Variants in SGTA observed in about 807,000 individuals in gnomAD.
SGTA encodes the protein small glutamine rich tetratricopeptide repeat co-chaperone alpha.
SGTA carries 22 observed loss-of-function variants against 44.3 expected under a neutral mutation model. The observed-to-expected ratio is 0.50, with a 90% CI of 0.36 to 0.71. The LOEUF is 0.71. SGTA is among the 30% of genes least tolerant of loss of function. The probability of loss-of-function intolerance (pLI) is 0.00; values close to 1 mark genes in which losing one functional copy is unlikely to be tolerated. For missense variants in SGTA, 341 were observed against 435.9 expected, an observed-to-expected ratio of 0.78 and a Z score of 1.94; for synonymous variants, 174 against 177.6, an observed-to-expected ratio of 0.98 and a Z score of 0.16.
chr19:2,758,442 G>A (rs1004438769), intron 9 of SGTA, among the ~76,000 whole-genome samples: 2 of 151,992 alleles, frequency 1.3e-5, no homozygotes, highest in Non-Finnish European at 2.9e-5. Context: ...ACTTGATCCC[G>A]GGAGGCAGAG....
chr19:2,756,185 G>T (rs8101456), intron 11 of SGTA, among the ~76,000 whole-genome samples: 46,941 of 151,706 alleles, frequency 0.31, 8,017 homozygotes, highest in East Asian at 0.63. Context: ...TGAGGTTACG[G>T]TGGTAAAAAA....
chr19:2,780,378 C>A (rs373849156), intron 1 of SGTA, among the ~76,000 whole-genome samples: 4 of 152,188 alleles, frequency 2.6e-5, no homozygotes, highest in African/African-American at 9.6e-5. Flanking sequence ...CCACTCCCCA[C>A]ATCGAAGCCT....
chr19:2,757,663 C>T lies in SGTA; in HGVS notation c.827+30G>A, dbSNP rs371632573. On this transcript the variant is annotated intron_variant, in intron 10 of 11. Transcript: ENST00000221566. The stretch of plus-strand genomic sequence containing the variant: ...GCGAGCCCTGCCCGCCGCCCACGTC[C>T]TCCGTCCTCTTGGAAGCAGTTCCAC... 54 of 1,519,668 alleles carry T rather than the reference C, an allele frequency of 3.6e-5. No homozygotes were observed. The South Asian group carries it at 5.4e-4, about 15-fold the overall frequency. 94.1% of individuals were successfully genotyped at this position (1,519,668 alleles called of 1,614,324 possible).
intron 1 of SGTA, among the ~76,000 whole-genome samples, chr19:2,773,402 A>G (rs369405757): frequency 0.16 from 325 of 2,034 alleles, 49 homozygotes; most frequent in East Asian, 0.22. Flanking sequence ...GCCACACGGC[A>G]GGGACTCCGA....
chr19:2,760,235 T>C (rs1029270262), intron 8 of SGTA, among the ~76,000 whole-genome samples: 1 of 151,978 alleles, frequency 6.6e-6, no homozygotes, highest in East Asian at 2.0e-4. Flanking sequence ...TAAAACTTTA[T>C]TGGTCAGGTG....
At chr19:2,780,666 C>A (rs1258993730) in intron 1 of SGTA, among the ~76,000 whole-genome samples, 1 of 152,216 alleles carries the variant, frequency 6.6e-6, no homozygotes, top group Non-Finnish European at 1.5e-5. Context: ...CCTTTGAACG[C>A]CAGCATCTGG....
At position 2,761,221 on chromosome 19, in the gene SGTA, T is replaced by C. The variant is rs771642942; in HGVS notation, c.699+239A>G. ...ATGGGTCTTGCTTGGGACATCAACA[T>C]TGGGGACACTTTTGATTGTCGAAGC... On this transcript the variant is annotated intron_variant, in intron 8 of 11. Transcript: ENST00000221566. The surrounding 1 kb of genome is among the most constrained non-coding windows in gnomAD (Gnocchi z 5.7). Among the ~76,000 whole-genome samples, 15 of 152,068 alleles carry C rather than the reference T, an allele frequency of 9.9e-5. No individual in the cohort carries two copies. The highest frequency in any genetic ancestry group is 3.1e-4 in the African/African-American group (13 of 41,412).
chr19:2,758,039 C>A (rs923291448), intron 9 of SGTA, among the ~76,000 whole-genome samples: 4 of 152,196 alleles, frequency 2.6e-5, no homozygotes, highest in Non-Finnish European at 5.9e-5. Flanking sequence ...CCCCAGAGGA[C>A]CCCTGCAATG....
rs1478519544 is a variant in SGTA at position 2,761,920 on chromosome 19, T to C, written c.637-398A>G. ...GCGACCGCCCGGGGACGGCACAGTC[T>C]ATCATCCCGTGTTGATTTCCTGTAT... On this transcript the variant is annotated intron_variant, in intron 7 of 11. Coordinates refer to ENST00000221566, the MANE Select transcript of SGTA (RefSeq NM_003021.4). This position sits in a 1 kb window ranked among gnomAD's most constrained non-coding sequence, Gnocchi z 5.7. Among the ~76,000 whole-genome samples the C allele has an allele frequency of 1.3e-5, 2 of 149,186 alleles. No homozygotes were observed. The highest frequency in any genetic ancestry group is 2.0e-4 in the East Asian group (1 of 5,036).
At chr19:2,756,644 A>C (rs111466787) in intron 11 of SGTA, among the ~76,000 whole-genome samples, 4 of 151,892 alleles carry the variant, frequency 2.6e-5, no homozygotes, top group Non-Finnish European at 5.9e-5. Flanking sequence ...TCCCGCCCCC[A>C]GGGAGCCGGC....
At chr19:2,772,306 A>G (rs1249547467) in intron 1 of SGTA, among the ~76,000 whole-genome samples, 2 of 152,240 alleles carry the variant, frequency 1.3e-5, no homozygotes, top group African/African-American at 4.8e-5. Context: ...CTGCCTCTGG[A>G]TAATTTCTTA....
At chr19:2,756,246 TA>T (rs914349070) in intron 11 of SGTA, among the ~76,000 whole-genome samples, 59 of 147,508 alleles carry the variant, frequency 4.0e-4, no homozygotes, top group South Asian at 8.6e-4. Context: ...AAAGCTTATT[TA>T]AAAAAAAAAG....
chr19:2,765,878 T>G lies in SGTA; in HGVS notation c.293-593A>C, dbSNP rs1207692976. On this transcript the variant is annotated intron_variant, in intron 4 of 11. Transcript: ENST00000221566. This position sits in a 1 kb window ranked among gnomAD's most constrained non-coding sequence, Gnocchi z 5.5. ...AGATGGGTATCAGCGTGTGTTTCCCTAAACAGTTTTATTGAGATATAATTT... is the reference window on the plus strand; with the variant it reads ...AGATGGGTATCAGCGTGTGTTTCCCGAAACAGTTTTATTGAGATATAATTT... Among the ~76,000 whole-genome samples, 1 of 152,112 alleles carries G rather than the reference T, an allele frequency of 6.6e-6. No individual in the cohort carries two copies. Among genetic ancestry groups the G allele is most frequent in the Non-Finnish European group, 1.5e-5 (1 of 68,032 alleles).
At chr19:2,768,878 G>A (rs1337729455) in intron 2 of SGTA, 91 bp downstream of exon 2, 2 of 939,528 alleles carry the variant, frequency 2.1e-6, no homozygotes, top group Non-Finnish European at 3.4e-6. Context: ...AGCCAGGCGG[G>A]GGACCAGGCA....
At chr19:2,774,893 C>T (rs557986225) in intron 1 of SGTA, among the ~76,000 whole-genome samples, 7 of 152,290 alleles carry the variant, frequency 4.6e-5, no homozygotes, top group African/African-American at 1.7e-4. Flanking sequence ...TCTCCAGATT[C>T]TGTCTCTCTC....
In SGTA at chr19:2,767,279, C is replaced by T. The variant is rs1209055174; in HGVS notation, c.208-59G>A. On this transcript the variant is annotated intron_variant, in intron 3 of 11. Coordinates refer to ENST00000221566, the MANE Select transcript of SGTA (RefSeq NM_003021.4). The surrounding 1 kb of genome is among the most constrained non-coding windows in gnomAD (Gnocchi z 7.3). ...CTCCTCCCAACCTGGCACCCTCCGG[C>T]CTTAGCTTCCCTCGGGACGCCAGAG... The T allele has an allele frequency of 1.5e-6, 2 of 1,368,512 alleles. No individual in the cohort carries two copies. The highest frequency in any genetic ancestry group is 2.9e-5 in the African/African-American group (2 of 69,882). The allele number at this position is 1,368,512 out of a possible 1,614,324, so 84.8% of individuals were successfully genotyped here.
At chr19:2,769,984 C>T (rs1161006566) in intron 1 of SGTA, among the ~76,000 whole-genome samples, 3 of 98,702 alleles carry the variant, frequency 3.0e-5, no homozygotes, top group African/African-American at 8.3e-5. Flanking sequence ...CTCGGACACC[C>T]GCCTGGTTCC....
chr19:2,756,888 C>CGCTCG (rs1259646048), intron 11 of SGTA, among the ~76,000 whole-genome samples: 1 of 152,214 alleles, frequency 6.6e-6, no homozygotes, highest in African/African-American at 2.4e-5. Context: ...GCAGGCAGAA[C>CGCTCG]GCTCGGGCGC....
chr19:2,767,485 G>T lies in SGTA; in HGVS notation c.207+95C>A, dbSNP rs1405160068. On this transcript the variant is annotated intron_variant, in intron 3 of 11. Transcript: ENST00000221566. This position sits in a 1 kb window ranked among gnomAD's most constrained non-coding sequence, Gnocchi z 7.3. ...GGAGAGGATGCAGGCAGAGTGCTGG[G>T]GGACGATGAGAGCGGGGCTCCTGGG... The T allele has an allele frequency of 4.8e-6, 5 of 1,031,498 alleles. No individual in the cohort carries two copies. The highest frequency in any genetic ancestry group is 1.5e-6 in the Non-Finnish European group (1 of 672,712). 63.9% of individuals were successfully genotyped at this position (1,031,498 alleles called of 1,614,324 possible).
Sources: gnomAD v4.1 joint callset for allele counts (sites outside exome capture counted in the v4.1 genomes callset) on GRCh38, gnomAD v4.1.1 for gene constraint, Gnocchi (gnomAD v3.1) non-coding constraint, MANE v1.5 for transcripts, NCBI Gene and HGNC (gene_info 2026-07-23, HGNC 2026-07-21) for gene names.